DMBT1: variants seen among roughly 807,000 people sequenced by gnomAD.
DMBT1 encodes scavenger receptor cysteine-rich domain-containing protein DMBT1.
Under a neutral mutation model 252.9 loss-of-function variants are expected in DMBT1, and 198 were observed. The observed-to-expected ratio is 0.78, with a 90% confidence interval of 0.70 to 0.88. The LOEUF (loss-of-function observed/expected upper bound fraction) is 0.88, where lower values mean the gene tolerates loss of function less well. Among genes scored for constraint, DMBT1 ranks in the 40% least tolerant of loss-of-function variants. DMBT1 has a pLI of 0.00. For missense variants in DMBT1, 2,432 were observed against 2,404.7 expected (o/e 1.01, Z -0.24); for synonymous variants, 990 against 942.7 (o/e 1.05, Z -0.92).
At chr10:122,566,500 T>C (rs938651006) in intron 2 of DMBT1, among the ~76,000 whole-genome samples, 37 of 151,838 alleles carry the variant, frequency 2.4e-4, no homozygotes, top group African/African-American at 7.3e-5. Flanking sequence ...TTAGTAGAGA[T>C]GGGGTTTCAC....
intron 44 of DMBT1, among the ~76,000 whole-genome samples, chr10:122,624,176 G>A (rs1375679345): frequency 3.3e-5 from 5 of 152,132 alleles, no homozygotes; most frequent in Admixed American, 3.3e-4. Flanking sequence ...GCATCCTGCT[G>A]CAGGGGCACT....
At position 122,621,278 on chromosome 10, in the gene DMBT1, G is replaced by A. The variant is rs749561534; in HGVS notation, c.5506G>A (p.Val1836Met). Residue 1836 changes from valine (V) to methionine (M), a missense_variant, in exon 44 of 56, where the codon GTG (valine) becomes ATG (methionine). Val to Met is a conservative substitution (Grantham distance 21, BLOSUM62 1). Coordinates refer to ENST00000338354, the MANE Select transcript of DMBT1 (RefSeq NM_001377530.1). The stretch of plus-strand genomic sequence containing the variant: ...CTCAGGACCCATTGTCCTGGATGAT[G>A]TGCGCTGCTCAGGGAATGAGTCCTA... ...QGSGPIVLDD[V>M]RCSGNESYLW... The A allele has an allele frequency of 3.1e-6, 5 of 1,613,730 alleles. No individual in the cohort carries two copies. Among genetic ancestry groups the A allele is most frequent in the Non-Finnish European group, 4.2e-6 (5 of 1,179,770 alleles).
At chr10:122,565,878 A>G in intron 1 of DMBT1, 89 bp from the exon 2 acceptor site, 1 of 1,303,972 alleles carries the variant, frequency 7.7e-7, no homozygotes, top group Non-Finnish European at 1.1e-6. Flanking sequence ...CTCTGGTGTG[A>G]TTGTACGGTG....
Position 122,599,010 on chromosome 10 carries a change from C to A in DMBT1, c.3193C>A (p.His1065Asn), listed in dbSNP as rs374196411. Residue 1065 changes from histidine (H) to asparagine (N), a missense_variant, in exon 26 of 56, where the codon CAC (histidine) becomes AAC (asparagine). By Grantham distance (68) the His-to-Asn change is moderately conservative. Transcript: ENST00000338354. ...CCTGGATGATGTGCGCTGCTCAGGA[C>A]ACGAGTCTTACCTGTGGAGCTGCCC... The part of the protein sequence containing the change: ...IVLDDVRCSG[H>N]ESYLWSCPHN... 7.9e-5 allele frequency: 127 copies of A among 1,613,672 alleles called. No individual in the cohort carries two copies. Among genetic ancestry groups the A allele is most frequent in the Non-Finnish European group, 1.1e-4 (125 of 1,179,728 alleles).
At chr10:122,630,564 C>T (rs976901125) in intron 48 of DMBT1, 74 bp downstream of exon 48, 7 of 1,488,584 alleles carry the variant, frequency 4.7e-6, no homozygotes, top group Non-Finnish European at 6.5e-6. Context: ...CACCATGGTT[C>T]CCCAAGGAAA....
chr10:122,592,407 G>A lies in DMBT1; in HGVS notation c.2312G>A (p.Cys771Tyr), dbSNP rs367869484. 1 of 1,588,476 alleles carries A rather than the reference G, an allele frequency of 6.3e-7. No individual in the cohort carries two copies. Among genetic ancestry groups the A allele is most frequent in the Admixed American group, 1.7e-5 (1 of 59,558 alleles). ...GATACCAATGATGCCAATGTGGTCT[G>A]CAGGCAGCTGGGCTGTGGCTGGGCC... Reference protein sequence around the residue: ...SWDTNDANVVCRQLGCGWATS... With the variant: ...SWDTNDANVVYRQLGCGWATS... Residue 771 changes from cysteine to tyrosine, a missense_variant, in exon 20 of 56, where the codon TGC becomes TAC. Physicochemically the swap from Cys to Tyr is radical, Grantham distance 194 (BLOSUM62 -2). Transcript: ENST00000338354.
At chr10:122,572,696 G>A (rs2097676048) in intron 5 of DMBT1, among the ~76,000 whole-genome samples, 1 of 152,140 alleles carries the variant, frequency 6.6e-6, no homozygotes, top group African/African-American at 2.4e-5. Flanking sequence ...ATGTGGTGGA[G>A]GTAGGCTTCA....
At chr10:122,642,921 G>A (rs1388211951) in intron 55 of DMBT1, among the ~76,000 whole-genome samples, 2 of 152,098 alleles carry the variant, frequency 1.3e-5, no homozygotes, top group Non-Finnish European at 2.9e-5. Context: ...TAAGGATGGC[G>A]GTGAGGTACC....
At chr10:122,572,447 A>G (rs2277231) in intron 5 of DMBT1, 86 bp downstream of exon 5, 1,091,866 of 1,561,720 alleles carry the variant, frequency 0.7, 383,423 homozygotes, top group Admixed American at 0.82. Flanking sequence ...GGTGTAGAGG[A>G]CATAGAAAGT....
intron 53 of DMBT1, 76 bp downstream of exon 53, chr10:122,636,275 T>A: frequency 7.5e-7 from 1 of 1,341,878 alleles, no homozygotes; most frequent in Non-Finnish European, 1.0e-6. Context: ...TGTCCTGTTG[T>A]TGTGAAATAA....
At chr10:122,598,086 G>A in intron 25 of DMBT1, 74 bp downstream of exon 25, 1 of 1,605,448 alleles carries the variant, frequency 6.2e-7, no homozygotes, top group Non-Finnish European at 8.5e-7. Context: ...AAAATGATAG[G>A]ATGAGGGTCA....
intron 5 of DMBT1, among the ~76,000 whole-genome samples, chr10:122,573,471 G>A (rs1054406849): frequency 1.3e-5 from 2 of 152,212 alleles, no homozygotes; most frequent in Non-Finnish European, 2.9e-5. Flanking sequence ...TTTTTGAATA[G>A]AGGCTGTGGC....
At position 122,601,980 on chromosome 10, in the gene DMBT1, G is replaced by C; in HGVS notation, c.3527G>C (p.Arg1176Pro). The change falls in exon 29 of 56, where the codon CGG (arginine) becomes CCG (proline). Residue 1176 changes from arginine to proline, a missense_variant. Around this residue, in one of 3 missense-constraint regions of DMBT1, gnomAD observed 6 missense variants for 153.4 expected, o/e 0.04. Transcript: ENST00000338354. ...GWAMSAPGNA[R>P]FGQGSGPIVL... is the part of the protein sequence containing the mutation. ...GCCATGTCAGCCCCAGGAAATGCCC[G>C]GTTTGGCCAGGGTTCAGGACCCATT... The C allele has an allele frequency of 7.1e-7, 1 of 1,407,292 alleles. No individual in the cohort carries two copies. Among genetic ancestry groups the C allele is most frequent in the Non-Finnish European group, 9.2e-7 (1 of 1,085,388 alleles). The allele number at this position is 1,407,292 out of a possible 1,614,324, so 87.2% of individuals were successfully genotyped here. A position where few individuals can be genotyped will look rare whatever the true frequency, so the allele number is the denominator to read the frequency against.
Position 122,589,148 on chromosome 10 carries a change from C to G in DMBT1, c.1988C>G (p.Pro663Arg), listed in dbSNP as rs1362821055. Reference sequence around the variant, plus strand: ...GCCCGGTTTGGTCAGGGCTCAGGACCCATTGTCCTGGATGATGTGCGCTGC... The same window carrying G: ...GCCCGGTTTGGTCAGGGCTCAGGACGCATTGTCCTGGATGATGTGCGCTGC... ...GNARFGQGSGPIVLDDVRCSG... is the reference protein window; with the variant it reads ...GNARFGQGSGRIVLDDVRCSG... Residue 663 changes from proline to arginine, a missense_variant, in exon 17 of 56, where the codon CCC becomes CGC. Transcript: ENST00000338354. The G allele has an allele frequency of 1.0e-5, 16 of 1,588,410 alleles. 1 individual carries two copies. The highest frequency in any genetic ancestry group is 1.4e-5 in the Non-Finnish European group (16 of 1,165,726).
chr10:122,578,588 T>C (rs2097734128), intron 8 of DMBT1, 130 bp from the exon 9 acceptor site: 2 of 761,736 alleles, frequency 2.6e-6, no homozygotes, highest in South Asian at 1.6e-5. Context: ...GGCAGACACA[T>C]GGGGAGCAAG....
intron 20 of DMBT1, 107 bp from the exon 21 acceptor site, chr10:122,593,462 T>A: frequency 1.6e-6 from 2 of 1,265,484 alleles, no homozygotes; most frequent in South Asian, 2.5e-5. Context: ...TGATAGGAAC[T>A]AGGATGGACT....
intron 47 of DMBT1, 105 bp downstream of exon 47, chr10:122,630,098 G>T: frequency 2.0e-6 from 3 of 1,511,914 alleles, no homozygotes; most frequent in South Asian, 2.5e-5. Context: ...CATGTGCCAT[G>T]GACAAGCTTT....
At chr10:122,623,977 A>T (rs908183007) in intron 44 of DMBT1, among the ~76,000 whole-genome samples, 1 of 152,236 alleles carries the variant, frequency 6.6e-6, no homozygotes, top group Non-Finnish European at 1.5e-5. Flanking sequence ...CATGGTATTC[A>T]GTAGGTCCAG....
At chr10:122,574,741 C>T (rs2097696850) in intron 6 of DMBT1, among the ~76,000 whole-genome samples, 1 of 152,184 alleles carries the variant, frequency 6.6e-6, no homozygotes, top group South Asian at 2.1e-4. Context: ...TTAAGGACCA[C>T]ACCTTGGTGG....
Sources: gnomAD v4.1 joint callset for allele counts (sites outside exome capture counted in the v4.1 genomes callset) on GRCh38, gnomAD v4.1.1 for gene constraint, gnomAD v4.1.1 regional missense constraint, MANE v1.5 for transcripts, NCBI Gene and HGNC (gene_info 2026-07-23, HGNC 2026-07-21) for gene names.